Variants in HS3ST2 observed in about 807,000 individuals in gnomAD.
The protein encoded by HS3ST2 is heparan sulfate glucosamine 3-O-sulfotransferase 2.
In HS3ST2, 17 loss-of-function variants were observed where a neutral mutation model predicts 26.3. The observed-to-expected ratio is 0.65, with a 90% confidence interval of 0.44 to 0.97. The LOEUF (loss-of-function observed/expected upper bound fraction) is 0.97, where lower values mean the gene tolerates loss of function less well. HS3ST2 is among the 50% of genes least tolerant of loss of function. The pLI is 0.00. For missense variants in HS3ST2, 402 were observed against 501.2 expected (o/e 0.80, Z 1.89); for synonymous variants, 237 against 219.2 (o/e 1.08, Z -0.72).
chr16:22,857,696 A>AT (rs201198587), intron 1 of HS3ST2, among the ~76,000 whole-genome samples: 9 of 151,866 alleles, frequency 5.9e-5, no homozygotes, highest in African/African-American at 1.4e-4. Context: ...CTTCTAATCA[A>AT]TTTTTTTTTC....
intron 1 of HS3ST2, among the ~76,000 whole-genome samples, chr16:22,875,617 A>G (rs951546358): frequency 6.6e-6 from 1 of 152,102 alleles, no homozygotes; most frequent in Non-Finnish European, 1.5e-5. Flanking sequence ...TCCTGACCTC[A>G]TGATCTGCCT....
Position 22,883,936 on chromosome 16 carries a change from G to A in HS3ST2, c.486-31008G>A, listed in dbSNP as rs79235348. ...CTAGACTTCCCTCACCCTCTCTGGG[G>A]CCTCACAGAGAACAATCATAAATGT... is the stretch of plus-strand genomic sequence containing the variant. On this transcript the variant is annotated intron_variant, in intron 1 of 1. Transcript: ENST00000261374. Among the ~76,000 whole-genome samples, 445 of 152,228 alleles carry A rather than the reference G, an allele frequency of 2.9e-3. 11 individuals carry two copies. In the East Asian group the frequency reaches 0.033, roughly 11 times the overall value.
At chr16:22,845,048 A>G (rs1176974361) in intron 1 of HS3ST2, among the ~76,000 whole-genome samples, 5 of 136,658 alleles carry the variant, frequency 3.7e-5, no homozygotes, top group Non-Finnish European at 7.4e-5. Flanking sequence ...TATAGACAGG[A>G]TTTCACTGTG....
At chr16:22,847,747 T>C (rs1395705053) in intron 1 of HS3ST2, among the ~76,000 whole-genome samples, 2 of 142,216 alleles carry the variant, frequency 1.4e-5, no homozygotes, top group Non-Finnish European at 3.0e-5. Flanking sequence ...GAACGCCTGA[T>C]GTTAAAAAAA....
At chr16:22,877,013 C>T (rs1901928976) in intron 1 of HS3ST2, among the ~76,000 whole-genome samples, 1 of 152,158 alleles carries the variant, frequency 6.6e-6, no homozygotes, top group Admixed American at 6.5e-5. Context: ...TAAAAGACTA[C>T]ACATTGGGTA....
At chr16:22,899,878 C>G (rs532475384) in intron 1 of HS3ST2, among the ~76,000 whole-genome samples, 2 of 152,196 alleles carry the variant, frequency 1.3e-5, no homozygotes, top group Non-Finnish European at 2.9e-5. Flanking sequence ...ATAGGAATTA[C>G]GGGAGCTACA....
At chr16:22,832,151 C>CTTTTTTTTTTTTTT (rs71151684) in intron 1 of HS3ST2, among the ~76,000 whole-genome samples, 46 of 115,450 alleles carry the variant, frequency 4.0e-4, no homozygotes, top group African/African-American at 1.4e-3. Flanking sequence ...CCCAGCTGAT[C>CTTTTTTTTTTTTTT]TTTTTTTTTT....
At chr16:22,891,019 T>A (rs758487285) in intron 1 of HS3ST2, among the ~76,000 whole-genome samples, 1 of 152,232 alleles carries the variant, frequency 6.6e-6, no homozygotes, top group Non-Finnish European at 1.5e-5. Context: ...ATGAGGATTC[T>A]GTTTAATTAG....
intron 1 of HS3ST2, among the ~76,000 whole-genome samples, chr16:22,899,361 T>C (rs956807355): frequency 1.3e-5 from 2 of 152,180 alleles, no homozygotes; most frequent in African/African-American, 4.8e-5. Flanking sequence ...ATGTGCTTAG[T>C]AGCAGGATAT....
rs1021093263 is a variant in HS3ST2 at position 22,814,408 on chromosome 16, C to T, written c.-203C>T. ...GATGCTGGAAATGCAACCGCCTGTT[C>T]CCCGAGGAGCCGCTGCCCCCGGGAC... On this transcript the variant is annotated 5_prime_UTR_variant, in exon 1 of 2. Transcript: ENST00000261374. 14 of 483,972 alleles carry T rather than the reference C, an allele frequency of 2.9e-5. No individual in the cohort carries two copies. The highest frequency in any genetic ancestry group is 5.0e-5 in the Non-Finnish European group (14 of 282,076). The allele number at this position is 483,972 out of a possible 1,614,324, so 30.0% of individuals were successfully genotyped here.
intron 1 of HS3ST2, among the ~76,000 whole-genome samples, chr16:22,913,097 A>AAAAG (rs1177754289): frequency 3.3e-5 from 5 of 149,678 alleles, no homozygotes; most frequent in African/African-American, 5.0e-5. Context: ...GTTTATTTAA[A>AAAAG]AAAGAAAGAA....
At chr16:22,835,234 G>A (rs555429611) in intron 1 of HS3ST2, among the ~76,000 whole-genome samples, 47 of 151,772 alleles carry the variant, frequency 3.1e-4, no homozygotes, top group South Asian at 1.3e-3. Flanking sequence ...GATTGGTGGA[G>A]CCTTCTTTAT....
At chr16:22,877,564 C>T (rs1318593773) in intron 1 of HS3ST2, among the ~76,000 whole-genome samples, 1 of 152,118 alleles carries the variant, frequency 6.6e-6, no homozygotes, top group Non-Finnish European at 1.5e-5. Context: ...TCTGAAAATC[C>T]AAGAGAGTTG....
intron 1 of HS3ST2, among the ~76,000 whole-genome samples, chr16:22,873,375 C>A (rs1156841905): frequency 6.6e-6 from 1 of 152,214 alleles, no homozygotes; most frequent in Non-Finnish European, 1.5e-5. Context: ...TGGAACATGG[C>A]AGACATTTAA....
At chr16:22,891,257 A>G (rs1668171087) in intron 1 of HS3ST2, among the ~76,000 whole-genome samples, 1 of 152,222 alleles carries the variant, frequency 6.6e-6, no homozygotes, top group African/African-American at 2.4e-5. Context: ...GAGGTTAATC[A>G]TAACTACAGC....
At chr16:22,914,763 A>AAAAAAAAAAAAAAAAAAAAAAAAG (rs1489223344) in intron 1 of HS3ST2, among the ~76,000 whole-genome samples, 181 bp from the exon 2 acceptor site, 2 of 118,690 alleles carry the variant, frequency 1.7e-5, no homozygotes, top group African/African-American at 7.5e-5. Flanking sequence ...AAAAAAAAAA[A>AAAAAAAAAAAAAAAAAAAAAAAAG]AGAGAAGAAA....
intron 1 of HS3ST2, among the ~76,000 whole-genome samples, chr16:22,829,951 A>G (rs933307044): frequency 2.0e-5 from 3 of 152,136 alleles, no homozygotes; most frequent in African/African-American, 7.2e-5. Context: ...GGTCAATATG[A>G]GGGAAGCTGG....
At chr16:22,819,413 T>C (rs1445070666) in intron 1 of HS3ST2, among the ~76,000 whole-genome samples, 1 of 152,204 alleles carries the variant, frequency 6.6e-6, no homozygotes, top group East Asian at 1.9e-4. Flanking sequence ...TGAAATAGAC[T>C]CTTCAGGGTC....
chr16:22,909,083 T>C (rs564430082), intron 1 of HS3ST2, among the ~76,000 whole-genome samples: 1 of 152,322 alleles, frequency 6.6e-6, no homozygotes, highest in African/African-American at 2.4e-5. Flanking sequence ...GGGTTTTATA[T>C]CTGATTGGAA....
Sources: allele counts gnomAD v4.1 joint callset (sites outside exome capture counted in the v4.1 genomes callset), GRCh38; gene constraint gnomAD v4.1.1; transcripts MANE v1.5; gene names NCBI Gene and HGNC (gene_info 2026-07-23, HGNC 2026-07-21).